The following ABCD3 variants were observed in gnomAD, a reference collection of about 807,000 sequenced individuals.
ABCD3 encodes the protein ATP binding cassette subfamily D member 3, also known as ATP-binding cassette sub-family D member 3.
ABCD3 carries 41 observed loss-of-function variants against 105.5 expected under a neutral mutation model. That is an observed-to-expected ratio of 0.39 (90% CI 0.30 to 0.50). The LOEUF is 0.50. Ranked by LOEUF, ABCD3 falls within the 20% of genes least tolerant of loss-of-function variation. The probability of loss-of-function intolerance (pLI) is 0.84; values close to 1 mark genes in which losing one functional copy is unlikely to be tolerated. For synonymous variants in ABCD3, 258 were observed against 269.0 expected (o/e 0.96, Z 0.40); for missense variants, 622 against 806.3 (o/e 0.77, Z 2.77).
chr1:94,474,963 A>C (rs1292842249), intron 5 of ABCD3, among the ~76,000 whole-genome samples, 180 bp from the exon 6 acceptor site: 1 of 152,186 alleles, frequency 6.6e-6, no homozygotes, highest in African/African-American at 2.4e-5. Context: ...AGAATAATTC[A>C]AACGAGGTAC....
upstream of ABCD3, among the ~76,000 whole-genome samples, chr1:94,414,474 A>C (rs1370627380): frequency 6.6e-6 from 1 of 152,056 alleles, no homozygotes; most frequent in East Asian, 1.9e-4. Context: ...ATGTGTTCAA[A>C]CTGGTCCCTC....
chr1:94,470,568 G>C (rs901671588), intron 4 of ABCD3, among the ~76,000 whole-genome samples: 1 of 151,606 alleles, frequency 6.6e-6, no homozygotes, highest in Non-Finnish European at 1.5e-5. Context: ...ACATTGGTAT[G>C]AATTTTTTTT....
chr1:94,478,594 T>G, intron 8 of ABCD3: 3 of 1,448,132 alleles, frequency 2.1e-6, no homozygotes, highest in Non-Finnish European at 2.9e-6. Flanking sequence ...CTCATGCCTG[T>G]AATCCCAGCA....
At chr1:94,388,494 T>C in the ABCD3 span, among the ~76,000 whole-genome samples, 5 of 152,224 alleles carry the variant, frequency 3.3e-5, no homozygotes, top group African/African-American at 9.6e-5. Context: ...CTTACAATTC[T>C]ATAACTAGAA....
upstream of ABCD3, among the ~76,000 whole-genome samples, chr1:94,415,824 C>T (rs944606612): frequency 4.6e-5 from 7 of 152,222 alleles, no homozygotes; most frequent in Non-Finnish European, 8.8e-5. Context: ...CTCTCTTTCT[C>T]TAAATACTAT....
At chr1:94,408,917 G>C in the ABCD3 span, among the ~76,000 whole-genome samples, 4 of 152,258 alleles carry the variant, frequency 2.6e-5, no homozygotes. Flanking sequence ...ACTGCAATAA[G>C]ACCCTGATAA....
chr1:94,495,125 G>A (rs1649736010), intron 16 of ABCD3, among the ~76,000 whole-genome samples: 2 of 152,078 alleles, frequency 1.3e-5, no homozygotes, highest in South Asian at 4.1e-4. Flanking sequence ...TACCTTTTCA[G>A]TAAGGTATAC....
At chr1:94,458,555 A>G (rs1647702815) in intron 1 of ABCD3, 52 bp from the exon 2 acceptor site, 4 of 1,511,996 alleles carry the variant, frequency 2.6e-6, no homozygotes, top group South Asian at 1.1e-5. Flanking sequence ...CATCTTAATG[A>G]TAACACTTTT....
At chr1:94,466,876 C>T (rs1333059397) in intron 3 of ABCD3, among the ~76,000 whole-genome samples, 1 of 152,146 alleles carries the variant, frequency 6.6e-6, no homozygotes, top group Non-Finnish European at 1.5e-5. Context: ...TGGCCAGCTT[C>T]CCACCCTCTG....
the ABCD3 span, among the ~76,000 whole-genome samples, chr1:94,397,953 G>T: frequency 6.6e-6 from 1 of 152,072 alleles, no homozygotes; most frequent in African/African-American, 2.4e-5. Context: ...TTACTGAGAT[G>T]TTCAAATTTT....
chr1:94,498,400 A>G (rs888662458), intron 16 of ABCD3, among the ~76,000 whole-genome samples: 2 of 152,108 alleles, frequency 1.3e-5, no homozygotes, highest in Admixed American at 6.6e-5. Context: ...AAAAAAAAGT[A>G]ATGGTAAAAA....
chr1:94,418,617 C>T, intron 1 of ABCD3, 29 bp downstream of exon 1: 1 of 1,568,322 alleles, frequency 6.4e-7, no homozygotes, highest in Non-Finnish European at 8.6e-7. Flanking sequence ...GTGCAGCTTT[C>T]CCGGGCTGGA....
At chr1:94,496,213 TA>T (rs1378704370) in intron 16 of ABCD3, among the ~76,000 whole-genome samples, 3 of 152,148 alleles carry the variant, frequency 2.0e-5, no homozygotes, top group African/African-American at 7.2e-5. Context: ...TCATCCCAAA[TA>T]GAAACTCTGT....
the ABCD3 span, among the ~76,000 whole-genome samples, chr1:94,408,901 T>C: frequency 6.6e-6 from 1 of 152,230 alleles, no homozygotes; most frequent in Non-Finnish European, 1.5e-5. Context: ...CTTCCTCCTA[T>C]GTTAAACTGC....
At chr1:94,436,847 G>C (rs761766590) in intron 1 of ABCD3, among the ~76,000 whole-genome samples, 2 of 152,180 alleles carry the variant, frequency 1.3e-5, no homozygotes, top group Non-Finnish European at 2.9e-5. Context: ...AAAAGTTCTT[G>C]AAGGAAAACT....
intron 7 of ABCD3, among the ~76,000 whole-genome samples, chr1:94,477,549 C>T (rs1228980337): frequency 1.3e-5 from 2 of 150,616 alleles, no homozygotes; most frequent in Non-Finnish European, 3.0e-5. Context: ...GATCTCCAGC[C>T]TGGGTGACAG....
At chr1:94,495,556 G>T (rs975793072) in intron 16 of ABCD3, among the ~76,000 whole-genome samples, 1 of 152,190 alleles carries the variant, frequency 6.6e-6, no homozygotes, top group Non-Finnish European at 1.5e-5. Context: ...ATGCTGAGTA[G>T]GTTAGCCAGG....
upstream of ABCD3, among the ~76,000 whole-genome samples, chr1:94,417,286 A>G (rs1381748364): frequency 6.6e-6 from 1 of 152,214 alleles, no homozygotes; most frequent in Admixed American, 6.5e-5. Flanking sequence ...CATAACCTGT[A>G]TTAGGCAACA....
chr1:94,392,159 G>C, the ABCD3 span, among the ~76,000 whole-genome samples: 1 of 152,300 alleles, frequency 6.6e-6, no homozygotes, highest in African/African-American at 2.4e-5. Context: ...CTCCTCTGAA[G>C]CATATGATAG....
Sources: gnomAD v4.1 joint callset for allele counts (sites outside exome capture counted in the v4.1 genomes callset) on GRCh38, gnomAD v4.1.1 for gene constraint, MANE v1.5 for transcripts, NCBI Gene and HGNC (gene_info 2026-07-23, HGNC 2026-07-21) for gene names.